Variants in VAT1L observed in about 807,000 individuals in gnomAD.
VAT1L encodes putative NADPH-dependent quinone oxidoreductase VAT1L.
Under a neutral mutation model 44.1 loss-of-function variants are expected in VAT1L, and 34 were observed. The ratio of observed to expected loss-of-function variants is 0.77; its 90% CI spans 0.59 to 1.03. The LOEUF is 1.03. VAT1L is among the 50% of genes least tolerant of loss of function. The probability of loss-of-function intolerance (pLI) is 0.00; values close to 1 mark genes in which losing one functional copy is unlikely to be tolerated. For missense variants in VAT1L, 615 were observed against 538.8 expected (o/e 1.14, Z -1.40); for synonymous variants, 253 against 202.2 (o/e 1.25, Z -2.13).
chr16:77,931,553 A>G (rs2017731261), intron 7 of VAT1L, among the ~76,000 whole-genome samples: 1 of 152,224 alleles, frequency 6.6e-6, no homozygotes, highest in Non-Finnish European at 1.5e-5. Flanking sequence ...GTTATATGAG[A>G]CGTCACCCAA....
Position 77,977,827 on chromosome 16 carries a change from T to G in VAT1L, c.*132T>G. The G allele has an allele frequency of 1.2e-6, 1 of 863,666 alleles. No homozygotes were observed. Among genetic ancestry groups the G allele is most frequent in the Non-Finnish European group, 1.8e-6 (1 of 549,966 alleles). The allele number at this position is 863,666 out of a possible 1,614,324, so 53.5% of individuals were successfully genotyped here. A position where few individuals can be genotyped will look rare whatever the true frequency, so the allele number is the denominator to read the frequency against. Reference sequence around the variant, plus strand: ...CGTGTTTGTCTGCAGTCAGCTGAGCTAAAAAGCTGTTGATCACTGTTGTTT... The same window carrying G: ...CGTGTTTGTCTGCAGTCAGCTGAGCGAAAAAGCTGTTGATCACTGTTGTTT... On this transcript the variant is annotated 3_prime_UTR_variant, in exon 9 of 9. Coordinates refer to ENST00000302536, the MANE Select transcript of VAT1L (RefSeq NM_020927.3).
chr16:77,825,617 T>C (rs552716553), intron 3 of VAT1L, among the ~76,000 whole-genome samples, 156 bp downstream of exon 3: 2 of 152,138 alleles, frequency 1.3e-5, no homozygotes, highest in East Asian at 3.9e-4. Context: ...ATATAGATGA[T>C]TGCATTGGGG....
At chr16:77,954,717 G>C (rs1035580143) in intron 7 of VAT1L, among the ~76,000 whole-genome samples, 4 of 152,158 alleles carry the variant, frequency 2.6e-5, no homozygotes, top group African/African-American at 4.8e-5. Flanking sequence ...CTTTGCATGA[G>C]TCACCCAAGC....
chr16:77,821,301 T>TC (rs67751204), intron 2 of VAT1L, among the ~76,000 whole-genome samples: 86 of 136,938 alleles, frequency 6.3e-4, no homozygotes, highest in African/African-American at 7.7e-4. Flanking sequence ...AAATCTTGTC[T>TC]TTTTTTTTTT....
chr16:77,813,336 A>G (rs1010918072), intron 1 of VAT1L, among the ~76,000 whole-genome samples: 1 of 152,210 alleles, frequency 6.6e-6, no homozygotes, highest in African/African-American at 2.4e-5. Flanking sequence ...GTCTGTCCCA[A>G]TGGGTGATTG....
chr16:77,789,526 G>A (rs2015794074), intron 1 of VAT1L, among the ~76,000 whole-genome samples: 1 of 152,160 alleles, frequency 6.6e-6, no homozygotes, highest in Non-Finnish European at 1.5e-5. Context: ...GGGACAGGGT[G>A]CAGGGCTGGA....
intron 3 of VAT1L, among the ~76,000 whole-genome samples, chr16:77,835,648 G>A (rs1030623496): frequency 6.6e-6 from 1 of 152,154 alleles, no homozygotes; most frequent in Admixed American, 6.5e-5. Context: ...CAAAGCAGGT[G>A]GATCACCTGA....
intron 1 of VAT1L, among the ~76,000 whole-genome samples, chr16:77,812,084 CTTTT>C (rs11298811): frequency 2.3e-5 from 3 of 130,590 alleles, no homozygotes; most frequent in Non-Finnish European, 5.0e-5. Flanking sequence ...GTCCTTGAAT[CTTTT>C]TTTTTTTTTT....
chr16:77,818,825 C>CTAGTATTCCATCTATAATTTTGACT (rs1304439010), intron 2 of VAT1L, among the ~76,000 whole-genome samples: 1 of 152,258 alleles, frequency 6.6e-6, no homozygotes, highest in African/African-American at 2.4e-5. Context: ...AAAACTGACA[C>CTAGTATTCCATCTATAATTTTGACT]TAGTATTCCA....
intron 7 of VAT1L, among the ~76,000 whole-genome samples, chr16:77,904,503 C>T (rs998012527): frequency 1.3e-5 from 2 of 152,154 alleles, no homozygotes; most frequent in African/African-American, 2.4e-5. Flanking sequence ...TGTGTCCTCA[C>T]GCGGTCCCCA....
At position 77,895,117 on chromosome 16, in the gene VAT1L, C is replaced by CACACACACACACACA. The variant is rs1567500916; in HGVS notation, c.1077+10315_1077+10316insACACACACACACACA. Among the ~76,000 whole-genome samples, 35 of 151,444 alleles carry CACACACACACACACA rather than the reference C, an allele frequency of 2.3e-4. 1 individual carries two copies. Among genetic ancestry groups the CACACACACACACACA allele is most frequent in the African/African-American group, 8.5e-4 (35 of 41,314 alleles). Reference sequence around the variant, plus strand: ...CCACTTGCCCACACACACACACACACTCACACATTTCCGATTTCTACGCAC... The same window carrying CACACACACACACACA: ...CCACTTGCCCACACACACACACACACACACACACACACACATCACACATTTCCGATTTCTACGCAC... On this transcript the variant is annotated intron_variant, in intron 7 of 8. Coordinates refer to ENST00000302536, the MANE Select transcript of VAT1L (RefSeq NM_020927.3).
intron 4 of VAT1L, among the ~76,000 whole-genome samples, chr16:77,864,914 T>C (rs2016955774): frequency 6.6e-6 from 1 of 152,046 alleles, no homozygotes; most frequent in African/African-American, 2.4e-5. Context: ...GCAGGCTAAT[T>C]TTGAGGACAT....
intron 1 of VAT1L, among the ~76,000 whole-genome samples, chr16:77,795,794 G>A (rs957750957): frequency 1.4e-5 from 2 of 146,322 alleles, no homozygotes; most frequent in African/African-American, 5.0e-5. Flanking sequence ...TCAGCAAGTC[G>A]CTTAGCTCCC....
intron 1 of VAT1L, among the ~76,000 whole-genome samples, chr16:77,793,326 G>C (rs909075352): frequency 4.6e-5 from 7 of 152,198 alleles, no homozygotes; most frequent in African/African-American, 1.7e-4. Context: ...TGTTGCTCAG[G>C]CTGGTTTCAA....
intron 7 of VAT1L, among the ~76,000 whole-genome samples, chr16:77,916,608 T>C (rs1411969733): frequency 2.0e-5 from 3 of 152,168 alleles, no homozygotes; most frequent in East Asian, 3.9e-4. Context: ...TTTGCTCCCA[T>C]TAAGTTGTTC....
At chr16:77,890,436 G>C (rs2017252217) in intron 7 of VAT1L, among the ~76,000 whole-genome samples, 1 of 151,984 alleles carries the variant, frequency 6.6e-6, no homozygotes, top group South Asian at 2.1e-4. Context: ...GAGAGTATGG[G>C]GCCTAAGAAG....
intron 7 of VAT1L, among the ~76,000 whole-genome samples, chr16:77,963,190 C>G (rs2018182321): frequency 6.6e-6 from 1 of 152,144 alleles, no homozygotes; most frequent in South Asian, 2.1e-4. Flanking sequence ...CATCCTCATC[C>G]CCAGAACCTG....
intron 2 of VAT1L, among the ~76,000 whole-genome samples, chr16:77,823,978 G>C (rs1463926712): frequency 1.3e-5 from 2 of 152,084 alleles, no homozygotes; most frequent in Non-Finnish European, 2.9e-5. Context: ...AGCTGAGATC[G>C]TGCCATTGCA....
chr16:77,936,947 C>A lies in VAT1L; in HGVS notation c.1078-34903C>A, dbSNP rs2017806366. On this transcript the variant is annotated intron_variant, in intron 7 of 8. Coordinates refer to ENST00000302536, the MANE Select transcript of VAT1L (RefSeq NM_020927.3). The stretch of plus-strand genomic sequence containing the variant: ...GCCACCAGGCTGGAGTGCAATGGCA[C>A]ATTCTTGGCTCAGTGCATCCTCCAC... Among the ~76,000 whole-genome samples the A allele has an allele frequency of 2.0e-5, 3 of 152,268 alleles. No individual in the cohort carries two copies. The South Asian group carries it at 6.2e-4, about 32-fold the overall frequency.
Sources: gnomAD v4.1 joint callset for allele counts (sites outside exome capture counted in the v4.1 genomes callset) on GRCh38, gnomAD v4.1.1 for gene constraint, MANE v1.5 for transcripts, NCBI Gene and HGNC (gene_info 2026-07-23, HGNC 2026-07-21) for gene names.